Variants in RBFOX1 observed in about 807,000 individuals in gnomAD.
RBFOX1 encodes RNA binding fox-1 homolog 1, also known as RNA binding protein fox-1 homolog 1.
RBFOX1 carries 8 observed loss-of-function variants against 57.7 expected under a neutral mutation model. The ratio of observed to expected loss-of-function variants is 0.14; its 90% CI spans 0.08 to 0.25. The LOEUF is 0.25. RBFOX1 is among the 10% of genes least tolerant of loss of function. The pLI, the probability that RBFOX1 is intolerant of heterozygous loss-of-function variation, is 1.00. For missense variants in RBFOX1, 611 were observed against 548.5 expected (o/e 1.11, Z -1.14); for synonymous variants, 326 against 222.4 (o/e 1.47, Z -4.15).
In RBFOX1 at chr16:6,864,797, A is replaced by G. The variant is rs1288940490; in HGVS notation, c.-15-187260A>G. Among the ~76,000 whole-genome samples, 4 of 152,068 alleles carry G rather than the reference A, an allele frequency of 2.6e-5. No individual in the cohort carries two copies. In the East Asian group the frequency reaches 7.8e-4, roughly 29 times the overall value. ...CCTCTAATGTGGGTTTAAAAACAAT[A>G]AGGAGAGACATATGCTACTTGGGTA... is the stretch of plus-strand genomic sequence containing the variant. On this transcript the variant is annotated intron_variant, in intron 3 of 15. Coordinates refer to ENST00000550418, the MANE Select transcript of RBFOX1 (RefSeq NM_018723.4).
intron 4 of RBFOX1, among the ~76,000 whole-genome samples, chr16:7,156,185 G>A (rs976523869): frequency 2.0e-5 from 3 of 151,014 alleles, no homozygotes; most frequent in African/African-American, 7.4e-5. Flanking sequence ...CTCAACTCTT[G>A]ATTCCTTTCT....
intron 2 of RBFOX1, among the ~76,000 whole-genome samples, chr16:6,450,818 CAT>C (rs1305191127): frequency 0.031 from 554 of 17,694 alleles, 28 homozygotes; most frequent in South Asian, 0.066. Flanking sequence ...TATATATATA[CAT>C]ATATATATAT....
At chr16:5,355,793 T>C (rs2065372636) in intron 1 of RBFOX1, among the ~76,000 whole-genome samples, 1 of 152,142 alleles carries the variant, frequency 6.6e-6, no homozygotes, top group African/African-American at 2.4e-5. Context: ...TCTAGTGTCC[T>C]TAAAAGAAGG....
At chr16:5,867,398 G>T in intron 4 of RBFOX1, 2 of 980,936 alleles carry the variant, frequency 2.0e-6, no homozygotes, top group Non-Finnish European at 2.6e-6. Context: ...TTTTGTGATG[G>T]AGTGTAACGA....
intron 1 of RBFOX1, among the ~76,000 whole-genome samples, chr16:6,114,608 T>G (rs541023465): frequency 6.6e-6 from 1 of 152,324 alleles, no homozygotes; most frequent in East Asian, 1.9e-4. Context: ...CTGCCTTTAG[T>G]TCAGTCTTTC....
At chr16:7,509,710 T>C (rs1437726799) in intron 4 of RBFOX1, among the ~76,000 whole-genome samples, 2 of 152,040 alleles carry the variant, frequency 1.3e-5, no homozygotes, top group Non-Finnish European at 2.9e-5. Context: ...ACTCACAGTA[T>C]TTTTCAAAAT....
chr16:7,494,830 C>CTTTTT (rs61434992), intron 4 of RBFOX1, among the ~76,000 whole-genome samples: 3,508 of 125,172 alleles, frequency 0.028, 293 homozygotes, highest in Middle Eastern at 0.064. Flanking sequence ...GTGTTACCTA[C>CTTTTT]TTTTTTTTTT....
chr16:6,980,465 G>C (rs765083915), intron 3 of RBFOX1, among the ~76,000 whole-genome samples: 1 of 152,122 alleles, frequency 6.6e-6, no homozygotes, highest in African/African-American at 2.4e-5. Flanking sequence ...GTCTTCTTAT[G>C]TTGAAATTTT....
chr16:6,496,473 G>C (rs2095771559), intron 2 of RBFOX1, among the ~76,000 whole-genome samples: 1 of 152,110 alleles, frequency 6.6e-6, no homozygotes, highest in Non-Finnish European at 1.5e-5. Context: ...GCCGTGTTGT[G>C]GTCTTGCTCA....
intron 3 of RBFOX1, among the ~76,000 whole-genome samples, chr16:6,783,723 G>A (rs7206036): frequency 0.31 from 47,710 of 151,848 alleles, 9,572 homozygotes; most frequent in African/African-American, 0.55. Context: ...TTGTGTGCTT[G>A]CTTTTACCAA....
intron 2 of RBFOX1, among the ~76,000 whole-genome samples, chr16:5,591,439 T>C (rs1253659307): frequency 7.2e-5 from 11 of 152,090 alleles, no homozygotes; most frequent in South Asian, 2.1e-4. Context: ...TTAGTAGAGA[T>C]GGGGTTTCAC....
chr16:7,291,524 A>G (rs182427348), intron 4 of RBFOX1, among the ~76,000 whole-genome samples: 189 of 152,318 alleles, frequency 1.2e-3, no homozygotes, highest in Admixed American at 2.4e-3. Context: ...TCAGAGCAGC[A>G]AAGGAAGATG....
At chr16:7,619,789 T>C (rs542050389) in intron 10 of RBFOX1, among the ~76,000 whole-genome samples, 2 of 152,244 alleles carry the variant, frequency 1.3e-5, no homozygotes, top group South Asian at 2.1e-4. Flanking sequence ...TAATCAGAGA[T>C]TGCAAACTAA....
At chr16:7,702,691 G>C (rs926229239) in intron 14 of RBFOX1, among the ~76,000 whole-genome samples, 6 of 152,124 alleles carry the variant, frequency 3.9e-5, no homozygotes, top group Admixed American at 3.9e-4. Context: ...CAGCCCCTGA[G>C]AATTGCTGAA....
chr16:6,667,435 A>G (rs7192955), intron 3 of RBFOX1, among the ~76,000 whole-genome samples: 150,951 of 152,242 alleles, frequency 0.99, 74,850 homozygotes, highest in Middle Eastern at 1. Flanking sequence ...ACCCCAGCTT[A>G]GTGGCTTCCT....
At chr16:6,815,479 A>G (rs939696721) in intron 3 of RBFOX1, among the ~76,000 whole-genome samples, 2 of 152,328 alleles carry the variant, frequency 1.3e-5, no homozygotes, top group African/African-American at 4.8e-5. Flanking sequence ...ATCCATTAAA[A>G]GATGTTAAGG....
intron 14 of RBFOX1, among the ~76,000 whole-genome samples, chr16:7,707,801 A>G (rs2082969064): frequency 1.3e-5 from 2 of 152,168 alleles, no homozygotes; most frequent in African/African-American, 4.8e-5. Flanking sequence ...GCAGATATTC[A>G]TCTCAGACGT....
intron 4 of RBFOX1, among the ~76,000 whole-genome samples, chr16:5,975,696 A>G (rs920626810): frequency 3.9e-5 from 6 of 152,168 alleles, no homozygotes; most frequent in Non-Finnish European, 8.8e-5. Flanking sequence ...AGCTCCTAGC[A>G]TAATTTAAGC....
Position 7,653,946 on chromosome 16 carries a change from G to C in RBFOX1, c.889G>C (p.Gly297Arg), listed in dbSNP as rs767750674. Reference protein sequence around the residue: ...APPPPIPAYGGVVYQDGFYGA... With the variant: ...APPPPIPAYGRVVYQDGFYGA... ...CCCGCCCCCGATCCCGGCCTACGGC[G>C]GGTAAGTGGGGCAGCCTCCTGGGTG... The change falls in exon 12 of 16, where the codon GGT (glycine) becomes CGT (arginine). Residue 297 changes from glycine to arginine, a missense_variant and splice_region_variant. Coordinates refer to ENST00000550418, the MANE Select transcript of RBFOX1 (RefSeq NM_018723.4). 3.3e-6 allele frequency: 5 copies of C among 1,514,266 alleles called. No homozygotes were observed. The highest frequency in any genetic ancestry group is 4.4e-6 in the Non-Finnish European group (5 of 1,138,836). 93.8% of individuals were successfully genotyped at this position (1,514,266 alleles called of 1,614,324 possible). A position where few individuals can be genotyped will look rare whatever the true frequency, so the allele number is the denominator to read the frequency against.
Sources: gnomAD v4.1 joint callset for allele counts (sites outside exome capture counted in the v4.1 genomes callset) on GRCh38, gnomAD v4.1.1 for gene constraint, MANE v1.5 for transcripts, NCBI Gene and HGNC (gene_info 2026-07-23, HGNC 2026-07-21) for gene names.